The following PCDHGA7 variants were observed in gnomAD, a reference collection of about 807,000 sequenced individuals.
The protein encoded by PCDHGA7 is protocadherin gamma-A7.
PCDHGA7 carries 44 observed loss-of-function variants against 58.3 expected under a neutral mutation model. The observed-to-expected ratio is 0.75, with a 90% CI of 0.59 to 0.97. The LOEUF (loss-of-function observed/expected upper bound fraction) is 0.97. PCDHGA7 is among the 50% of genes least tolerant of loss of function. The pLI is 0.00. For synonymous variants in PCDHGA7, 516 were observed against 504.2 expected (o/e 1.02, Z -0.31); for missense variants, 1,266 against 1,188.7 (o/e 1.06, Z -0.96).
At chr5:141,397,926 A>T in intron 1 of PCDHGA7, 1 of 753,888 alleles carries the variant, frequency 1.3e-6, no homozygotes, top group Non-Finnish European at 2.1e-6. Context: ...CTCCTCGCGC[A>T]GCCGCAGCGC....
chr5:141,505,633 A>C, intron 3 of PCDHGA7, 152 bp downstream of exon 3: 3 of 1,471,286 alleles, frequency 2.0e-6, no homozygotes, highest in South Asian at 1.3e-5. Context: ...TCCAAACATA[A>C]AGCCTGGAAT....
intron 1 of PCDHGA7, among the ~76,000 whole-genome samples, chr5:141,471,118 A>G (rs58897068): frequency 0.11 from 15,938 of 141,604 alleles, 871 homozygotes; most frequent in South Asian, 0.16. Flanking sequence ...GTGCGATCTT[A>G]CCTTCACTGC....
chr5:141,430,913 C>A (rs1485488693), intron 1 of PCDHGA7: 1 of 1,607,720 alleles, frequency 6.2e-7, no homozygotes, highest in East Asian at 2.2e-5. Context: ...CTCCAGGGAC[C>A]TGGGGCTGGA....
intron 1 of PCDHGA7, chr5:141,419,781 G>T: frequency 6.2e-7 from 1 of 1,614,032 alleles, no homozygotes; most frequent in Non-Finnish European, 8.5e-7. Context: ...GTCCGCCAGC[G>T]CCTGCTAGTC....
chr5:141,399,092 G>C (rs573118488), intron 1 of PCDHGA7: 1 of 1,613,810 alleles, frequency 6.2e-7, no homozygotes, highest in East Asian at 2.2e-5. Context: ...GATGGTGGTG[G>C]ACTGGTTGCA....
intron 3 of PCDHGA7, among the ~76,000 whole-genome samples, chr5:141,509,722 C>A (rs919655821): frequency 5.9e-5 from 9 of 152,140 alleles, no homozygotes; most frequent in African/African-American, 2.2e-4. Flanking sequence ...CTGATGTCAC[C>A]TAGCTGTGGC....
At chr5:141,449,148 T>C (rs570694341) in intron 1 of PCDHGA7, among the ~76,000 whole-genome samples, 20 of 152,268 alleles carry the variant, frequency 1.3e-4, no homozygotes, top group African/African-American at 4.8e-4. Flanking sequence ...AATTGCTGGG[T>C]CAAAGAGGAA....
Position 141,399,638 on chromosome 5 carries a change from G to A in PCDHGA7, c.2424+14315G>A, listed in dbSNP as rs1180030777. The A allele has an allele frequency of 3.7e-6, 6 of 1,613,860 alleles. No individual in the cohort carries two copies. The highest frequency in any genetic ancestry group is 1.3e-5 in the African/African-American group (1 of 75,082). ...GCACTGGCCTCTTACGTGTCCATGAGCGCGCAAAGTGGGGTGGTGTTCGCG... is the reference window on the plus strand; with the variant it reads ...GCACTGGCCTCTTACGTGTCCATGAACGCGCAAAGTGGGGTGGTGTTCGCG... On this transcript the variant is annotated intron_variant, in intron 1 of 3. Coordinates refer to ENST00000518325, the MANE Select transcript of PCDHGA7 (RefSeq NM_018920.4).
rs1369150914 is a variant in PCDHGA7 at position 141,432,217 on chromosome 5, G to A, written c.2424+46894G>A. The A allele has an allele frequency of 3.1e-6, 5 of 1,614,204 alleles. No individual in the cohort carries two copies. The East Asian group carries it at 6.7e-5, about 22-fold the overall frequency. On this transcript the variant is annotated intron_variant, in intron 1 of 3. Coordinates refer to ENST00000518325, the MANE Select transcript of PCDHGA7 (RefSeq NM_018920.4). The surrounding 1 kb of genome is among the most constrained non-coding windows in gnomAD (Gnocchi z 6.0). ...ACCCCGACTGTGAAGAGAACGCCCAGATCACTTATTCCCTGGCTGAGAACA... is the reference window on the plus strand; with the variant it reads ...ACCCCGACTGTGAAGAGAACGCCCAAATCACTTATTCCCTGGCTGAGAACA...
intron 1 of PCDHGA7, chr5:141,484,969 G>A: frequency 3.4e-6 from 2 of 584,588 alleles, no homozygotes; most frequent in Admixed American, 3.2e-5. Flanking sequence ...CCCGGGAGCC[G>A]CTGTCTGCCA....
At position 141,487,748 on chromosome 5, in the gene PCDHGA7, T is replaced by C. The variant is rs1458153935; in HGVS notation, c.2425-7059T>C. On this transcript the variant is annotated intron_variant, in intron 1 of 3. Coordinates refer to ENST00000518325, the MANE Select transcript of PCDHGA7 (RefSeq NM_018920.4). The surrounding 1 kb of genome is among the most constrained non-coding windows in gnomAD (Gnocchi z 5.0). ...TGTCACCATTTTTGTAAGAGGTAAC[T>C]ATGTGGTAGACGCTGTGCTTTGTAA... 1 of 1,557,436 alleles carries C rather than the reference T, an allele frequency of 6.4e-7. No individual in the cohort carries two copies. Among genetic ancestry groups the C allele is most frequent in the Non-Finnish European group, 8.7e-7 (1 of 1,149,514 alleles).
chr5:141,419,830 T>G, intron 1 of PCDHGA7: 1 of 1,614,052 alleles, frequency 6.2e-7, no homozygotes, highest in African/African-American at 1.3e-5. Context: ...TTTCAGCCAC[T>G]GCCACGCTGC....
chr5:141,485,314 T>G lies in PCDHGA7; in HGVS notation c.2425-9493T>G. Reference sequence around the variant, plus strand: ...CACAGGAAGGGACTTTTGTAGGGAATGTCGCTCAAGATTTCCTGCTGGATA... The same window carrying G: ...CACAGGAAGGGACTTTTGTAGGGAAGGTCGCTCAAGATTTCCTGCTGGATA... On this transcript the variant is annotated intron_variant, in intron 1 of 3. Coordinates refer to ENST00000518325, the MANE Select transcript of PCDHGA7 (RefSeq NM_018920.4). This position sits in a 1 kb window ranked among gnomAD's most constrained non-coding sequence, Gnocchi z 5.7. 1 of 1,614,150 alleles carries G rather than the reference T, an allele frequency of 6.2e-7. No individual in the cohort carries two copies. The highest frequency in any genetic ancestry group is 8.5e-7 in the Non-Finnish European group (1 of 1,180,032).
At position 141,383,936 on chromosome 5, in the gene PCDHGA7, AAGTGACTATG is replaced by A. The variant is rs765282926; in HGVS notation, c.1039_1048del (p.Val347ArgfsTer3). On this transcript the variant is annotated frameshift_variant, in exon 1 of 4. Coordinates refer to ENST00000518325, the MANE Select transcript of PCDHGA7 (RefSeq NM_018920.4). LOFTEE classifies it high-confidence loss of function. ...TTAGATGTAAATGATAATGCTCCAG[AAGTGACTATG>A]ACGTCTTTAAGTAGCTCAATCCCTG... 5.0e-6 allele frequency: 8 copies of A among 1,613,818 alleles called. No homozygotes were observed. In the South Asian group the frequency reaches 8.8e-5, roughly 18 times the overall value.
At chr5:141,414,320 A>C (rs372261571) in intron 1 of PCDHGA7, 7 of 1,613,840 alleles carry the variant, frequency 4.3e-6, no homozygotes, top group Non-Finnish European at 5.9e-6. Flanking sequence ...GACTCTGAGC[A>C]GAATGGACAG....
At chr5:141,423,977 G>A in intron 1 of PCDHGA7, 4 of 1,121,548 alleles carry the variant, frequency 3.6e-6, no homozygotes, top group Non-Finnish European at 4.4e-6. Context: ...ATCAGTGTAT[G>A]AGGCTCTCAA....
rs2099702455 is a variant in PCDHGA7, at chr5:141,490,641, G to C, written c.2425-4166G>C. 6.2e-7 allele frequency: 1 copy of C among 1,614,042 alleles called. No homozygotes were observed. Among genetic ancestry groups the C allele is most frequent in the Admixed American group, 1.7e-5 (1 of 60,004 alleles). On this transcript the variant is annotated intron_variant, in intron 1 of 3. Coordinates refer to ENST00000518325, the MANE Select transcript of PCDHGA7 (RefSeq NM_018920.4). The surrounding 1 kb of genome is among the most constrained non-coding windows in gnomAD (Gnocchi z 5.4). ...ACACTGCTTACATCCTAGAAAACCG[G>C]CCTCCGGGCTCCCTTCTTTGCACTG...
chr5:141,449,584 G>C (rs2098645697), intron 1 of PCDHGA7, among the ~76,000 whole-genome samples: 1 of 123,190 alleles, frequency 8.1e-6, no homozygotes, highest in South Asian at 2.5e-4. Context: ...GCAAGACTCT[G>C]TCTCAAAAAA....
In PCDHGA7 at chr5:141,489,872, T is replaced by A. The variant is rs2099693206; in HGVS notation, c.2425-4935T>A. 1 of 1,614,090 alleles carries A rather than the reference T, an allele frequency of 6.2e-7. No homozygotes were observed. The highest frequency in any genetic ancestry group is 8.5e-7 in the Non-Finnish European group (1 of 1,180,016). On this transcript the variant is annotated intron_variant, in intron 1 of 3. Coordinates refer to ENST00000518325, the MANE Select transcript of PCDHGA7 (RefSeq NM_018920.4). The surrounding 1 kb of genome is among the most constrained non-coding windows in gnomAD (Gnocchi z 4.5). ...GAAGCCCAGGCAAGACATCAGCTGG[T>A]GCTTACTGCTGTGGATGGGGGGACC...
Sources: gnomAD v4.1 joint callset for allele counts (sites outside exome capture counted in the v4.1 genomes callset) on GRCh38, gnomAD v4.1.1 for gene constraint, Gnocchi (gnomAD v3.1) non-coding constraint, MANE v1.5 for transcripts, NCBI Gene and HGNC (gene_info 2026-07-23, HGNC 2026-07-21) for gene names.